Variants in JARID2 observed in about 807,000 individuals in gnomAD.
JARID2 encodes the protein jumonji and AT-rich interaction domain containing 2, also known as protein Jumonji.
JARID2 carries 21 observed loss-of-function variants against 125.6 expected under a neutral mutation model. The ratio of observed to expected loss-of-function variants is 0.17; its 90% CI spans 0.12 to 0.24. The LOEUF is 0.24. Ranked by LOEUF, JARID2 falls within the 10% of genes least tolerant of loss-of-function variation. The pLI is 1.00. For missense variants in JARID2, 1,303 were observed against 1,639.6 expected, an observed-to-expected ratio of 0.79 and a Z score of 3.55; for synonymous variants, 736 against 661.6, an observed-to-expected ratio of 1.11 and a Z score of -1.73.
chr6:15,338,254 C>G (rs113560303), intron 1 of JARID2, among the ~76,000 whole-genome samples: 3 of 152,204 alleles, frequency 2.0e-5, no homozygotes, highest in African/African-American at 7.2e-5. Context: ...AGGGACGCCT[C>G]TATTCCCTGT....
chr6:15,383,344 T>A (rs2127530906), intron 2 of JARID2, among the ~76,000 whole-genome samples: 2 of 150,622 alleles, frequency 1.3e-5, no homozygotes, highest in Middle Eastern at 6.8e-3. Context: ...TCTATAAGGG[T>A]CTCTCTAGTT....
At chr6:15,268,278 T>C (rs187761329) in intron 1 of JARID2, among the ~76,000 whole-genome samples, 1 of 152,312 alleles carries the variant, frequency 6.6e-6, no homozygotes. Context: ...TTGTCAACAG[T>C]GGATATCTTG....
At chr6:15,436,353 G>A (rs1265385948) in intron 3 of JARID2, among the ~76,000 whole-genome samples, 1 of 152,216 alleles carries the variant, frequency 6.6e-6, no homozygotes, top group South Asian at 2.1e-4. Flanking sequence ...CTGGTCGATG[G>A]CTTACTGGCC....
chr6:15,310,511 T>C (rs1485793639), intron 1 of JARID2, among the ~76,000 whole-genome samples: 1 of 152,158 alleles, frequency 6.6e-6, no homozygotes, highest in Non-Finnish European at 1.5e-5. Flanking sequence ...GCTGTAGGGA[T>C]TCTTAAGATG....
chr6:15,454,849 A>C (rs1437946542), intron 4 of JARID2, among the ~76,000 whole-genome samples: 1 of 152,144 alleles, frequency 6.6e-6, no homozygotes, highest in Non-Finnish European at 1.5e-5. Flanking sequence ...ATGGAAAGGA[A>C]GCTGTGAGAA....
chr6:15,430,333 A>G (rs1215752141), intron 3 of JARID2, among the ~76,000 whole-genome samples: 1 of 152,234 alleles, frequency 6.6e-6, no homozygotes. Flanking sequence ...AAGTATGTAC[A>G]ATTGACCTCA....
At chr6:15,300,510 T>C (rs1761568410) in intron 1 of JARID2, among the ~76,000 whole-genome samples, 1 of 152,170 alleles carries the variant, frequency 6.6e-6, no homozygotes, top group East Asian at 1.9e-4. Context: ...ACTGTACCCG[T>C]AATTCATGAG....
intron 3 of JARID2, among the ~76,000 whole-genome samples, chr6:15,429,871 TG>T (rs1156249950): frequency 6.6e-6 from 1 of 152,180 alleles, no homozygotes; most frequent in African/African-American, 2.4e-5. Context: ...GAAGCCAAAA[TG>T]TACCGTGTAA....
At chr6:15,253,343 G>A (rs1759529313) in intron 1 of JARID2, among the ~76,000 whole-genome samples, 1 of 152,094 alleles carries the variant, frequency 6.6e-6, no homozygotes, top group South Asian at 2.1e-4. Context: ...AATTACAGGC[G>A]TGAGCCACCG....
chr6:15,452,084 G>A lies in JARID2; in HGVS notation c.402G>A (p.Glu134=), dbSNP rs1767944133. ...GCACAACTCCAGTAAAGATAGTGGA[G>A]CCATTGCTACCCCCTCCAGCTACTC... ...SPSTTPVKIV[E]PLLPPPATQI... The change falls in exon 4 of 18, where the codon GAG becomes GAA. Residue 134 remains glutamate (E), a synonymous_variant. Transcript: ENST00000341776. 6 of 1,613,964 alleles carry A rather than the reference G, an allele frequency of 3.7e-6. No individual in the cohort carries two copies. Among genetic ancestry groups the A allele is most frequent in the Admixed American group, 1.7e-5 (1 of 59,990 alleles).
Position 15,522,015 on chromosome 6 carries a change from T to C in JARID2, c.*1764T>C, listed in dbSNP as rs549650119. The C allele has an allele frequency of 6.6e-6, 1 of 152,184 alleles. No homozygotes were observed. Among genetic ancestry groups the C allele is most frequent in the South Asian group, 2.1e-4 (1 of 4,828 alleles). The allele number at this position is 152,184 out of a possible 1,614,324, so 9.4% of individuals were successfully genotyped here. On this transcript the variant is annotated 3_prime_UTR_variant, in exon 18 of 18. Transcript: ENST00000341776. ...CAAGGTTTAATAATAAAAACAAAGT[T>C]TTTTGGACATTTGTCTGTCTTGTGG...
intron 7 of JARID2, among the ~76,000 whole-genome samples, chr6:15,497,460 G>C (rs1279244783): frequency 6.6e-6 from 1 of 152,012 alleles, no homozygotes; most frequent in African/African-American, 2.4e-5. Context: ...AGGAGATCGA[G>C]ATCACGGTGA....
intron 1 of JARID2, among the ~76,000 whole-genome samples, chr6:15,349,790 C>G (rs1029227143): frequency 6.6e-6 from 1 of 152,188 alleles, no homozygotes; most frequent in African/African-American, 2.4e-5. Context: ...TTCCCGCAAG[C>G]AATGCCTTAT....
chr6:15,281,570 C>T (rs1330316574), intron 1 of JARID2, among the ~76,000 whole-genome samples: 1 of 152,170 alleles, frequency 6.6e-6, no homozygotes, highest in African/African-American at 2.4e-5. Flanking sequence ...AGATGGGTTC[C>T]CCGCGTGGGG....
At chr6:15,322,315 C>T (rs368713794) in intron 1 of JARID2, among the ~76,000 whole-genome samples, 2 of 152,166 alleles carry the variant, frequency 1.3e-5, no homozygotes, top group Non-Finnish European at 2.9e-5. Flanking sequence ...AGGGCACTTG[C>T]CAGGCATGGT....
intron 5 of JARID2, among the ~76,000 whole-genome samples, chr6:15,479,445 C>T (rs763146022): frequency 2.0e-5 from 3 of 152,174 alleles, no homozygotes; most frequent in Non-Finnish European, 2.9e-5. Flanking sequence ...TTTATCATTG[C>T]ACATAATGCA....
chr6:15,267,350 T>C (rs1339215374), intron 1 of JARID2, among the ~76,000 whole-genome samples: 3 of 152,102 alleles, frequency 2.0e-5, no homozygotes, highest in African/African-American at 7.2e-5. Flanking sequence ...AAAGATCTGC[T>C]TGAGGGGCAG....
intron 1 of JARID2, among the ~76,000 whole-genome samples, chr6:15,363,000 T>C (rs1195499304): frequency 6.6e-6 from 1 of 151,996 alleles, no homozygotes; most frequent in Non-Finnish European, 1.5e-5. Context: ...GGGAGGAGAT[T>C]GTCAAGAAGA....
chr6:15,246,256 G>T lies in JARID2; in HGVS notation c.-284G>T. On this transcript the variant is annotated 5_prime_UTR_variant, in exon 1 of 18. Coordinates refer to ENST00000341776, the MANE Select transcript of JARID2 (RefSeq NM_004973.4). Reference sequence around the variant, plus strand: ...GAAGGGCGTCGGTTTTTTTTTGTGTGTGTGTGTATGTGTTTCGGGGGAAAT... The same window carrying T: ...GAAGGGCGTCGGTTTTTTTTTGTGTTTGTGTGTATGTGTTTCGGGGGAAAT... 3 of 494,998 alleles carry T rather than the reference G, an allele frequency of 6.1e-6. No homozygotes were observed. Among genetic ancestry groups the T allele is most frequent in the Non-Finnish European group, 7.1e-6 (2 of 283,438 alleles). 30.7% of individuals were successfully genotyped at this position (494,998 alleles called of 1,614,324 possible).
Sources: allele counts gnomAD v4.1 joint callset (sites outside exome capture counted in the v4.1 genomes callset), GRCh38; gene constraint gnomAD v4.1.1; transcripts MANE v1.5; gene names NCBI Gene and HGNC (gene_info 2026-07-23, HGNC 2026-07-21).